The following FLVCR2 variants were observed in gnomAD, a reference collection of about 807,000 sequenced individuals.
FLVCR2 encodes the protein FLVCR choline and putative heme transporter 2, also known as choline/ethanolamine transporter FLVCR2.
In FLVCR2, 38 loss-of-function variants were observed where a neutral mutation model predicts 48.9. The observed-to-expected ratio is 0.78, with a 90% CI of 0.60 to 1.02. FLVCR2 has a LOEUF of 1.02. Ranked by LOEUF, FLVCR2 falls within the 50% of genes least tolerant of loss-of-function variation. FLVCR2 has a pLI of 0.00. For synonymous variants in FLVCR2, 255 were observed against 257.0 expected, an observed-to-expected ratio of 0.99 and a Z score of 0.07; for missense variants, 664 against 663.3, an observed-to-expected ratio of 1.00 and a Z score of -0.01.
At chr14:75,616,335 A>G (rs1280595876) in intron 1 of FLVCR2, among the ~76,000 whole-genome samples, 1 of 151,940 alleles carries the variant, frequency 6.6e-6, no homozygotes, top group Non-Finnish European at 1.5e-5. Context: ...CAAAAAAAAA[A>G]AATTTTTTTT....
chr14:75,626,670 A>G (rs1159255426), intron 3 of FLVCR2, among the ~76,000 whole-genome samples: 1 of 151,948 alleles, frequency 6.6e-6, no homozygotes, highest in Non-Finnish European at 1.5e-5. Context: ...AAGGTATTCA[A>G]GCATAGATGG....
chr14:75,604,835 T>G (rs1889251543), intron 1 of FLVCR2, among the ~76,000 whole-genome samples: 1 of 152,180 alleles, frequency 6.6e-6, no homozygotes. Context: ...ATCCCAGTAG[T>G]ATCCTGATGG....
At chr14:75,595,995 C>G (rs1416236568) in intron 1 of FLVCR2, 2 of 1,506,610 alleles carry the variant, frequency 1.3e-6, no homozygotes, top group Non-Finnish European at 1.8e-6. Flanking sequence ...CATGCCAAAG[C>G]CGGTTGTCTT....
intron 5 of FLVCR2, among the ~76,000 whole-genome samples, chr14:75,636,376 G>A (rs530786761): frequency 2.1e-4 from 32 of 152,298 alleles, no homozygotes; most frequent in African/African-American, 6.7e-4. Context: ...CCATCTCATC[G>A]CTGCCATCTG....
At position 75,622,222 on chromosome 14, in the gene FLVCR2, T is replaced by C. The variant is rs765911633; in HGVS notation, c.811+2T>C. On this transcript the variant is annotated splice_donor_variant, in intron 2 of 9. Transcript: ENST00000238667. LOFTEE classifies it high-confidence loss of function. ...TCCTCCTCATCCTTGTCATCATTGG[T>C]AAGGTCATTAGTAAACAGATGGGGT... is the stretch of plus-strand genomic sequence containing the variant. 2.5e-6 allele frequency: 4 copies of C among 1,613,880 alleles called. No homozygotes were observed. Among genetic ancestry groups the C allele is most frequent in the Non-Finnish European group, 3.4e-6 (4 of 1,179,808 alleles).
chr14:75,639,467 G>A lies in FLVCR2; in HGVS notation c.1235+5G>A, dbSNP rs1890254073. On this transcript the variant is annotated splice_donor_5th_base_variant and intron_variant, in intron 6 of 9. Coordinates refer to ENST00000238667, the MANE Select transcript of FLVCR2 (RefSeq NM_017791.3). ...CATCACTGCTGGCACAATGGGGTAA[G>A]TTTCACCTCTGGCTGATTTATTAGA... is the stretch of plus-strand genomic sequence containing the variant. The A allele has an allele frequency of 1.3e-6, 2 of 1,582,464 alleles. No homozygotes were observed. Among genetic ancestry groups the A allele is most frequent in the African/African-American group, 1.3e-5 (1 of 74,286 alleles).
chr14:75,615,153 T>TGTGA (rs554823756), intron 1 of FLVCR2, among the ~76,000 whole-genome samples: 165 of 152,296 alleles, frequency 1.1e-3, no homozygotes, highest in Admixed American at 3.5e-3. Flanking sequence ...GGACCATGAA[T>TGTGA]GTGAGTACAT....
chr14:75,598,698 A>G (rs1829599598), intron 1 of FLVCR2, among the ~76,000 whole-genome samples: 1 of 151,718 alleles, frequency 6.6e-6, no homozygotes, highest in African/African-American at 2.4e-5. Flanking sequence ...CTGGTCTTGA[A>G]CTCCTGGCCT....
intron 1 of FLVCR2, chr14:75,596,193 A>G (rs1889016330): frequency 2.8e-6 from 2 of 717,054 alleles, no homozygotes; most frequent in Non-Finnish European, 5.1e-6. Context: ...GTGGATAGTT[A>G]CTGTGTCGTT....
chr14:75,602,259 G>A (rs1025155065), intron 1 of FLVCR2, among the ~76,000 whole-genome samples: 1 of 152,180 alleles, frequency 6.6e-6, no homozygotes, highest in Non-Finnish European at 1.5e-5. Flanking sequence ...GTGGGTAGGG[G>A]GATGGGGTTG....
intron 1 of FLVCR2, among the ~76,000 whole-genome samples, chr14:75,585,557 G>T (rs748240190): frequency 8.5e-5 from 13 of 152,278 alleles, no homozygotes; most frequent in Non-Finnish European, 1.2e-4. Context: ...CACAGAGAAG[G>T]GGGTGGGGAG....
At chr14:75,627,414 A>G (rs73305498) in intron 3 of FLVCR2, among the ~76,000 whole-genome samples, 5,449 of 152,334 alleles carry the variant, frequency 0.036, 342 homozygotes, top group African/African-American at 0.12. Context: ...AAATGGCTAA[A>G]TATCAGTAAC....
At chr14:75,605,058 C>T (rs892056020) in intron 1 of FLVCR2, among the ~76,000 whole-genome samples, 4 of 152,090 alleles carry the variant, frequency 2.6e-5, no homozygotes, top group African/African-American at 4.8e-5. Flanking sequence ...GGGCGGGGGG[C>T]GCCCAGGCTT....
intron 2 of FLVCR2, among the ~76,000 whole-genome samples, chr14:75,623,815 CAAAGG>C (rs1467186466): frequency 2.0e-5 from 3 of 152,124 alleles, no homozygotes; most frequent in South Asian, 2.1e-4. Flanking sequence ...CTTTGGGAGG[CAAAGG>C]TGGGTGGATC....
chr14:75,644,884 A>G (rs1890383168), intron 9 of FLVCR2, among the ~76,000 whole-genome samples: 1 of 152,146 alleles, frequency 6.6e-6, no homozygotes, highest in African/African-American at 2.4e-5. Flanking sequence ...GGGACAGGGT[A>G]ATGATTGACC....
intron 3 of FLVCR2, among the ~76,000 whole-genome samples, 173 bp downstream of exon 3, chr14:75,624,925 T>C (rs1462885171): frequency 6.7e-6 from 1 of 149,868 alleles, no homozygotes; most frequent in African/African-American, 2.5e-5. Flanking sequence ...TGTTGTAAAG[T>C]CCACCTAGAA....
intron 1 of FLVCR2, chr14:75,604,317 G>T (rs970726116): frequency 6.6e-6 from 1 of 152,234 alleles, no homozygotes; most frequent in African/African-American, 2.4e-5. Flanking sequence ...ACTTTCATAG[G>T]TTTGGGCTTC....
intron 1 of FLVCR2, among the ~76,000 whole-genome samples, chr14:75,583,597 G>A (rs1888666129): frequency 6.6e-6 from 1 of 152,160 alleles, no homozygotes; most frequent in Admixed American, 6.5e-5. Flanking sequence ...AGGTGTGGCT[G>A]TAGCCTAGGA....
At chr14:75,602,718 T>C (rs988641745) in intron 1 of FLVCR2, among the ~76,000 whole-genome samples, 4 of 152,094 alleles carry the variant, frequency 2.6e-5, no homozygotes, top group Non-Finnish European at 5.9e-5. Flanking sequence ...GAGTTTCAGA[T>C]TGGGAAGATG....
Sources: allele counts gnomAD v4.1 joint callset (sites outside exome capture counted in the v4.1 genomes callset), GRCh38; gene constraint gnomAD v4.1.1; transcripts MANE v1.5; gene names NCBI Gene and HGNC (gene_info 2026-07-23, HGNC 2026-07-21).